Variants in SLC22A23 observed in about 807,000 individuals in gnomAD.
SLC22A23 encodes ion transporter protein.
SLC22A23 carries 26 observed loss-of-function variants against 61.0 expected under a neutral mutation model. The observed-to-expected ratio is 0.43, with a 90% CI of 0.31 to 0.59. The LOEUF is 0.59. SLC22A23 is among the 20% of genes least tolerant of loss of function. SLC22A23 has a pLI of 0.11. For synonymous variants in SLC22A23, 430 were observed against 413.9 expected (o/e 1.04, Z -0.47); for missense variants, 796 against 934.7 (o/e 0.85, Z 1.94).
At chr6:3,416,361 G>A (rs1332702654) in intron 1 of SLC22A23, among the ~76,000 whole-genome samples, 2 of 152,208 alleles carry the variant, frequency 1.3e-5, no homozygotes, top group African/African-American at 2.4e-5. Context: ...AAATAAAAGC[G>A]AGCATTAGTA....
intron 3 of SLC22A23, among the ~76,000 whole-genome samples, chr6:3,407,151 A>G (rs1234254627): frequency 6.6e-6 from 1 of 152,220 alleles, no homozygotes; most frequent in Non-Finnish European, 1.5e-5. Flanking sequence ...TACAAATGTA[A>G]CTTCCAAATA....
chr6:3,402,544 G>GCT (rs1768494357), intron 3 of SLC22A23, among the ~76,000 whole-genome samples: 1 of 39,704 alleles, frequency 2.5e-5, no homozygotes, highest in Non-Finnish European at 4.9e-5. Flanking sequence ...GCACTAGGCT[G>GCT]CAGCCCACTC....
intron 8 of SLC22A23, 191 bp downstream of exon 8, chr6:3,284,886 CTT>C: frequency 6.5e-7 from 1 of 1,534,468 alleles, no homozygotes; most frequent in Non-Finnish European, 8.7e-7. Flanking sequence ...ACCAGTCGCT[CTT>C]TCTAGAGGCA....
Position 3,329,172 on chromosome 6 carries a change from C to CTA in SLC22A23, c.914-5171_914-5170insTA, listed in dbSNP as rs1763444921. On this transcript the variant is annotated intron_variant, in intron 3 of 9. Transcript: ENST00000406686. The surrounding 1 kb of genome is among the most constrained non-coding windows in gnomAD (Gnocchi z 4.8). ...AACATTCTCCCCCCACCTCCCTCAT[C>CTA]CCCCACAAACACACACACCGATCTA... Among the ~76,000 whole-genome samples, 1 of 152,112 alleles carries CTA rather than the reference C, an allele frequency of 6.6e-6. No homozygotes were observed. Among genetic ancestry groups the CTA allele is most frequent in the Non-Finnish European group, 1.5e-5 (1 of 68,024 alleles).
chr6:3,391,315 G>A (rs547467586), intron 3 of SLC22A23, among the ~76,000 whole-genome samples: 1 of 152,296 alleles, frequency 6.6e-6, no homozygotes, highest in East Asian at 1.9e-4. Flanking sequence ...CCAACTGTTC[G>A]GGCATCCACG....
intron 3 of SLC22A23, among the ~76,000 whole-genome samples, chr6:3,347,832 C>A (rs1764529438): frequency 6.6e-6 from 1 of 152,188 alleles, no homozygotes; most frequent in Admixed American, 6.5e-5. Flanking sequence ...CATAGGAGGT[C>A]CTACACAGTC....
chr6:3,438,174 C>T (rs1771347744), intron 1 of SLC22A23, among the ~76,000 whole-genome samples: 1 of 152,208 alleles, frequency 6.6e-6, no homozygotes, highest in Non-Finnish European at 1.5e-5. Context: ...ATCAAGAACA[C>T]TCCAAAAGGA....
At chr6:3,283,808 T>C (rs1456140375) in intron 9 of SLC22A23, 44 bp downstream of exon 9, 1 of 1,610,652 alleles carries the variant, frequency 6.2e-7, no homozygotes, top group Non-Finnish European at 8.5e-7. Context: ...TCGTCTTTGA[T>C]TTCCGAGAAG....
chr6:3,352,782 TAATCTG>T (rs534084255), intron 3 of SLC22A23, among the ~76,000 whole-genome samples: 20 of 152,270 alleles, frequency 1.3e-4, no homozygotes, highest in Admixed American at 1.2e-3. Flanking sequence ...ATTCTTTAAT[TAATCTG>T]AGTGAAGGAA....
intron 9 of SLC22A23, among the ~76,000 whole-genome samples, chr6:3,273,916 T>C (rs1366484787): frequency 1.3e-5 from 2 of 152,242 alleles, no homozygotes. Context: ...GACTGCAAGA[T>C]ACTTTAAAAG....
rs914942543 is a variant in SLC22A23, at chr6:3,330,492, C to A, written c.914-6490G>T. On this transcript the variant is annotated intron_variant, in intron 3 of 9. Transcript: ENST00000406686. The surrounding 1 kb of genome is among the most constrained non-coding windows in gnomAD (Gnocchi z 4.7). ...ATGCGAGCCTCTCTCCTCTTCCCTGCACCCTCCCTCCTTCCTGTCACTCCC... is the reference window on the plus strand; with the variant it reads ...ATGCGAGCCTCTCTCCTCTTCCCTGAACCCTCCCTCCTTCCTGTCACTCCC... 6.6e-6 allele frequency among the ~76,000 whole-genome samples: 1 copy of A among 152,240 alleles called. No homozygotes were observed. The highest frequency in any genetic ancestry group is 2.4e-5 in the African/African-American group (1 of 41,464).
chr6:3,354,496 G>A (rs935979604), intron 3 of SLC22A23, among the ~76,000 whole-genome samples: 6 of 152,296 alleles, frequency 3.9e-5, no homozygotes, highest in East Asian at 1.9e-4. Flanking sequence ...CAGATCCATC[G>A]ATATAGCAGA....
At chr6:3,423,700 T>C (rs12662630) in intron 1 of SLC22A23, among the ~76,000 whole-genome samples, 143,128 of 152,288 alleles carry the variant, frequency 0.94, 67,423 homozygotes, top group Middle Eastern at 0.97. Context: ...CACAGGCTTC[T>C]AGCAACTCAT....
intron 8 of SLC22A23, chr6:3,284,785 C>A: frequency 1.0e-6 from 1 of 952,678 alleles, no homozygotes; most frequent in Non-Finnish European, 1.6e-6. Flanking sequence ...TAAGACAAAG[C>A]ATGTTGGCGC....
chr6:3,309,697 T>C lies in SLC22A23; in HGVS notation c.1083-11479A>G, dbSNP rs567973071. On this transcript the variant is annotated intron_variant, in intron 4 of 9. Transcript: ENST00000406686. This position sits in a 1 kb window ranked among gnomAD's most constrained non-coding sequence, Gnocchi z 4.7. Reference sequence around the variant, plus strand: ...GTGGTACAGGAGCTTCACACACACATGCTTCTGAAGGGTTACACCACGGTC... The same window carrying C: ...GTGGTACAGGAGCTTCACACACACACGCTTCTGAAGGGTTACACCACGGTC... 6.6e-6 allele frequency among the ~76,000 whole-genome samples: 1 copy of C among 152,308 alleles called. No individual in the cohort carries two copies. Among genetic ancestry groups the C allele is most frequent in the East Asian group, 1.9e-4 (1 of 5,184 alleles).
intron 3 of SLC22A23, among the ~76,000 whole-genome samples, chr6:3,343,200 C>T (rs1279831271): frequency 1.3e-5 from 2 of 152,312 alleles, no homozygotes; most frequent in South Asian, 2.1e-4. Flanking sequence ...CAGCTCACAA[C>T]AGTCCTTATG....
chr6:3,309,226 G>C lies in SLC22A23; in HGVS notation c.1083-11008C>G, dbSNP rs12526363. Among the ~76,000 whole-genome samples, 35,223 of 151,936 alleles carry C rather than the reference G, an allele frequency of 0.23. 4,976 individuals are homozygous for C. The highest frequency in any genetic ancestry group is 0.35 in the East Asian group (1,782 of 5,154). On this transcript the variant is annotated intron_variant, in intron 4 of 9. Coordinates refer to ENST00000406686, the MANE Select transcript of SLC22A23 (RefSeq NM_015482.2). The surrounding 1 kb of genome is among the most constrained non-coding windows in gnomAD (Gnocchi z 4.7). The stretch of plus-strand genomic sequence containing the variant: ...TGAGACAGGAGAATCGCTTGAACCC[G>C]GGAGGTTTGCAGTGGACCAAGGTCG...
In SLC22A23 at chr6:3,273,101, T is replaced by C; in HGVS notation, c.2015A>G (p.Asp672Gly). 3 of 1,596,172 alleles carry C rather than the reference T, an allele frequency of 1.9e-6. No homozygotes were observed. Among genetic ancestry groups the C allele is most frequent in the Non-Finnish European group, 2.6e-6 (3 of 1,173,078 alleles). ...SGLHDAAAAGDTLPEGATANG... is the reference protein window; with the variant it reads ...SGLHDAAAAGGTLPEGATANG... ...GGCCGTGGCACCCTCGGGCAGTGTG[T>C]CACCCGCGGCTGCGGCATCGTGGAG... Residue 672 changes from aspartate (D) to glycine (G), a missense_variant, in exon 10 of 10, where the codon GAC (aspartate) becomes GGC (glycine). Physicochemically the swap from Asp to Gly is moderately conservative, Grantham distance 94. Coordinates refer to ENST00000406686, the MANE Select transcript of SLC22A23 (RefSeq NM_015482.2).
At chr6:3,349,443 C>T (rs551636321) in intron 3 of SLC22A23, among the ~76,000 whole-genome samples, 68 of 152,346 alleles carry the variant, frequency 4.5e-4, no homozygotes, top group African/African-American at 1.6e-3. Context: ...CCTGTGGCCC[C>T]TGGAGTTTCT....
Sources: allele counts gnomAD v4.1 joint callset (sites outside exome capture counted in the v4.1 genomes callset), GRCh38; gene constraint gnomAD v4.1.1; non-coding constraint Gnocchi (gnomAD v3.1); transcripts MANE v1.5; gene names NCBI Gene and HGNC (gene_info 2026-07-23, HGNC 2026-07-21).